Variants in TBCK observed in about 807,000 individuals in gnomAD.
TBCK encodes the protein TBC1 domain containing kinase.
A neutral mutation model predicts 113.4 loss-of-function variants in TBCK; 99 were observed. That is an observed-to-expected ratio of 0.87 (90% confidence interval 0.74 to 1.03). The LOEUF is 1.03. Among genes scored for constraint, TBCK ranks in the 50% least tolerant of loss-of-function variants. TBCK has a pLI of 0.00. For missense variants in TBCK, 1,045 were observed against 1,061.3 expected (o/e 0.98, Z 0.21); for synonymous variants, 369 against 370.8 (o/e 1.00, Z 0.05).
chr4:106,138,926 G>A (rs1746873159), intron 23 of TBCK, among the ~76,000 whole-genome samples: 2 of 141,066 alleles, frequency 1.4e-5, no homozygotes, highest in African/African-American at 5.0e-5. Context: ...GAGTTTCAGT[G>A]AGTAGAGTCA....
chr4:106,246,437 C>T (rs1760820912), intron 10 of TBCK, among the ~76,000 whole-genome samples: 1 of 152,064 alleles, frequency 6.6e-6, no homozygotes, highest in South Asian at 2.1e-4. Flanking sequence ...AGTCTAAAAG[C>T]TGATATTCTC....
rs577711541 is a variant in TBCK, at chr4:106,088,209, G to A, written c.2571+7273C>T. ...AATTCTTGCAATCTACCTATCTGAC[G>A]AAGGTCTAACATCCAGAATTTACAA... On this transcript the variant is annotated intron_variant, in intron 25 of 25. Transcript: ENST00000394708. Among the ~76,000 whole-genome samples, 8 of 152,174 alleles carry A rather than the reference G, an allele frequency of 5.3e-5. No homozygotes were observed. The East Asian group carries it at 5.8e-4, about 11-fold the overall frequency.
intron 19 of TBCK, among the ~76,000 whole-genome samples, chr4:106,221,617 A>C (rs1349233983): frequency 1.3e-5 from 2 of 152,088 alleles, no homozygotes; most frequent in Non-Finnish European, 2.9e-5. Flanking sequence ...TTAAAATATC[A>C]AAATAAATAT....
intron 5 of TBCK, among the ~76,000 whole-genome samples, chr4:106,254,111 T>C (rs1761723997): frequency 6.6e-6 from 1 of 152,148 alleles, no homozygotes. Flanking sequence ...GAACAAATGT[T>C]ATGTGATGTT....
At chr4:106,123,955 T>C (rs921542537) in intron 23 of TBCK, among the ~76,000 whole-genome samples, 7 of 151,168 alleles carry the variant, frequency 4.6e-5, no homozygotes, top group Admixed American at 3.3e-4. Context: ...GGACTTCATG[T>C]CCAAAACACC....
At chr4:106,075,663 A>G (rs28600991) in intron 25 of TBCK, among the ~76,000 whole-genome samples, 8,877 of 152,242 alleles carry the variant, frequency 0.058, 530 homozygotes, top group East Asian at 0.29. Context: ...TGACTTATAT[A>G]TATGTTTTTA....
intron 20 of TBCK, among the ~76,000 whole-genome samples, chr4:106,197,410 T>TGTGC (rs1754377622): frequency 9.3e-6 from 1 of 107,826 alleles, no homozygotes; most frequent in Non-Finnish European, 2.1e-5. Flanking sequence ...TGTGTGTGTG[T>TGTGC]GTATATATAT....
chr4:106,145,129 C>A (rs1396468815), intron 23 of TBCK, among the ~76,000 whole-genome samples: 2 of 151,782 alleles, frequency 1.3e-5, no homozygotes, highest in Admixed American at 1.3e-4. Flanking sequence ...ACCATCCTGG[C>A]CAACATGGTG....
intron 2 of TBCK, among the ~76,000 whole-genome samples, chr4:106,299,121 G>C (rs1028956015): frequency 6.6e-6 from 1 of 152,182 alleles, no homozygotes; most frequent in Non-Finnish European, 1.5e-5. Context: ...GGAGCCTAGT[G>C]CACACAGGTG....
intron 23 of TBCK, among the ~76,000 whole-genome samples, chr4:106,138,005 T>C (rs1746765582): frequency 7.1e-6 from 1 of 141,442 alleles, no homozygotes; most frequent in African/African-American, 2.5e-5. Context: ...AAAGGGAATA[T>C]GTTCTAAGAA....
rs574630925 is a variant in TBCK, at chr4:106,086,016, C to T, written c.2571+9466G>A. On this transcript the variant is annotated intron_variant, in intron 25 of 25. Coordinates refer to ENST00000394708, the MANE Select transcript of TBCK (RefSeq NM_001163435.3). Reference sequence around the variant, plus strand: ...AGCTAAAAAGATCTCAAATCGACACCCTAACATCACAATTAAAAGAGCAAA... The same window carrying T: ...AGCTAAAAAGATCTCAAATCGACACTCTAACATCACAATTAAAAGAGCAAA... Among the ~76,000 whole-genome samples, 9 of 151,964 alleles carry T rather than the reference C, an allele frequency of 5.9e-5. No homozygotes were observed. The East Asian group carries it at 1.5e-3, about 26-fold the overall frequency.
At chr4:106,065,624 A>G (rs1736553447) in intron 25 of TBCK, among the ~76,000 whole-genome samples, 1 of 152,018 alleles carries the variant, frequency 6.6e-6, no homozygotes. Context: ...GAACAGTACC[A>G]TACATTTCAG....
At chr4:106,066,393 C>T (rs1161770049) in intron 25 of TBCK, among the ~76,000 whole-genome samples, 8 of 151,940 alleles carry the variant, frequency 5.3e-5, no homozygotes, top group African/African-American at 1.9e-4. Flanking sequence ...AAAAAGACCT[C>T]ATCAGAACAA....
chr4:106,219,026 A>T, intron 19 of TBCK, among the ~76,000 whole-genome samples: 1 of 151,846 alleles, frequency 6.6e-6, no homozygotes, highest in East Asian at 1.9e-4. Flanking sequence ...TACACCATGG[A>T]ATACTATGCA....
At chr4:106,262,615 G>A (rs1762613268) in intron 3 of TBCK, among the ~76,000 whole-genome samples, 2 of 151,868 alleles carry the variant, frequency 1.3e-5, no homozygotes, top group East Asian at 1.9e-4. Context: ...CTAAGCCCCC[G>A]AAAAAAGTAG....
chr4:106,142,320 C>G (rs187015388), intron 23 of TBCK, among the ~76,000 whole-genome samples: 1 of 152,148 alleles, frequency 6.6e-6, no homozygotes, highest in South Asian at 2.1e-4. Context: ...AGCAGTAATT[C>G]TCTAACAGAT....
At chr4:106,219,420 AT>A (rs1169554589) in intron 19 of TBCK, among the ~76,000 whole-genome samples, 1 of 151,140 alleles carries the variant, frequency 6.6e-6, no homozygotes, top group Non-Finnish European at 1.5e-5. Context: ...AATTAAAAGT[AT>A]AAAAAAAGAC....
At position 106,193,655 on chromosome 4, in the gene TBCK, C is replaced by T; in HGVS notation, c.2013G>A (p.Leu671=). The T allele has an allele frequency of 1.2e-6, 2 of 1,613,450 alleles. No homozygotes were observed. The highest frequency in any genetic ancestry group is 1.7e-6 in the Non-Finnish European group (2 of 1,179,626). Residue 671 remains leucine (L), a synonymous_variant, in exon 22 of 26, where the codon TTG becomes TTA. Transcript: ENST00000394708. ...AILQQLRDRL[L]ANGFNECILL... ...GAATACACTCATTAAAGCCATTAGC[C>T]AAAAGCCGGTCCCGCAGCTGCTGAA...
chr4:106,116,472 G>T, intron 23 of TBCK, 94 bp from the exon 24 acceptor site: 1 of 1,010,208 alleles, frequency 9.9e-7, no homozygotes, highest in Non-Finnish European at 1.4e-6. Context: ...AAACAATACA[G>T]CATATAAGAG....
Sources: gnomAD v4.1 joint callset for allele counts (sites outside exome capture counted in the v4.1 genomes callset) on GRCh38, gnomAD v4.1.1 for gene constraint, MANE v1.5 for transcripts, NCBI Gene and HGNC (gene_info 2026-07-23, HGNC 2026-07-21) for gene names.